TNFRSF10B: variants seen among roughly 807,000 people sequenced by gnomAD.
TNFRSF10B encodes tumor necrosis factor receptor superfamily member 10B.
TNFRSF10B carries 35 observed loss-of-function variants against 41.4 expected under a neutral mutation model. The observed-to-expected ratio is 0.85, with a 90% CI of 0.65 to 1.12. TNFRSF10B has a LOEUF of 1.12. TNFRSF10B is among the 50% of genes most tolerant of loss of function. TNFRSF10B has a pLI of 0.00. For synonymous variants in TNFRSF10B, 230 were observed against 215.5 expected (o/e 1.07, Z -0.59); for missense variants, 584 against 552.7 (o/e 1.06, Z -0.57).
At chr8:23,064,907 G>A (rs1345676871) in intron 1 of TNFRSF10B, among the ~76,000 whole-genome samples, 1 of 152,170 alleles carries the variant, frequency 6.6e-6, no homozygotes, top group Non-Finnish European at 1.5e-5. Flanking sequence ...CCTCAATGTT[G>A]ATTTTAAGCA....
intron 3 of TNFRSF10B, 100 bp downstream of exon 3, chr8:23,030,659 G>C: frequency 1.2e-6 from 1 of 861,954 alleles, no homozygotes; most frequent in Admixed American, 2.0e-5. Flanking sequence ...TGAAGACCAA[G>C]GTGGACCAGA....
chr8:23,058,411 A>G (rs775803560), intron 1 of TNFRSF10B, among the ~76,000 whole-genome samples: 17 of 151,190 alleles, frequency 1.1e-4, no homozygotes, highest in Admixed American at 8.6e-4. Flanking sequence ...TGTCCATTCT[A>G]TTTTTTACCT....
intron 2 of TNFRSF10B, among the ~76,000 whole-genome samples, chr8:23,042,611 G>C (rs184557153): frequency 6.6e-6 from 1 of 152,170 alleles, no homozygotes; most frequent in African/African-American, 2.4e-5. Context: ...ATGTACATCC[G>C]ATGCTGGTGG....
chr8:23,028,480 GA>G lies in TNFRSF10B; in HGVS notation c.598del (p.Ser200ProfsTer17), dbSNP rs757683917. 2.3e-4 allele frequency: 370 copies of G among 1,613,980 alleles called. No homozygotes were observed. Among genetic ancestry groups the G allele is most frequent in the Middle Eastern group, 6.6e-4 (4 of 6,084 alleles). On this transcript the variant is annotated frameshift_variant, in exon 5 of 9. Transcript: ENST00000276431. LOFTEE classifies it high-confidence loss of function. ...EVPAVEETVT[S>X]SPGTPASPCS... ...GGGAGAGGCAGGAGTCCCTGGGCTGGAGGTCACCGTCTCCTCCACAGCTGGG... is the reference window on the plus strand; with the variant it reads ...GGGAGAGGCAGGAGTCCCTGGGCTGGGGTCACCGTCTCCTCCACAGCTGGG...
chr8:23,056,975 G>C (rs1386186801), intron 1 of TNFRSF10B, among the ~76,000 whole-genome samples: 1 of 151,660 alleles, frequency 6.6e-6, no homozygotes, highest in Non-Finnish European at 1.5e-5. Flanking sequence ...TGAGTTTTCA[G>C]TAGATGCATG....
chr8:23,024,118 G>C (rs750410109), intron 8 of TNFRSF10B, 70 bp downstream of exon 8: 88 of 1,589,600 alleles, frequency 5.5e-5, no homozygotes, highest in Non-Finnish European at 7.4e-5. Context: ...TCTGACCTCT[G>C]GGGACAGCAG....
chr8:23,037,672 A>G (rs964147128), intron 2 of TNFRSF10B, among the ~76,000 whole-genome samples: 2 of 152,212 alleles, frequency 1.3e-5, no homozygotes, highest in African/African-American at 4.8e-5. Flanking sequence ...CCACCATCTC[A>G]AAACTGCTGG....
chr8:23,045,427 A>C (rs1295345186), intron 1 of TNFRSF10B, among the ~76,000 whole-genome samples: 1 of 152,210 alleles, frequency 6.6e-6, no homozygotes, highest in African/African-American at 2.4e-5. Context: ...GATTAAGGAT[A>C]TTGAATCAGT....
At chr8:23,064,313 GAATT>G (rs1162503778) in intron 1 of TNFRSF10B, among the ~76,000 whole-genome samples, 2 of 152,332 alleles carry the variant, frequency 1.3e-5, no homozygotes, top group Middle Eastern at 3.4e-3. Context: ...AGGTACTGCT[GAATT>G]AATATTGTAA....
chr8:23,020,853 G>C lies in TNFRSF10B; in HGVS notation c.*1818C>G, dbSNP rs918811032. The C allele has an allele frequency of 8.8e-6, 4 of 454,006 alleles. No homozygotes were observed. Among genetic ancestry groups the C allele is most frequent in the Admixed American group, 2.4e-5 (1 of 42,552 alleles). The allele number at this position is 454,006 out of a possible 1,614,324, so 28.1% of individuals were successfully genotyped here. On this transcript the variant is annotated 3_prime_UTR_variant, in exon 9 of 9. Transcript: ENST00000276431. ...GTCCTGCACAGAAGGCCCAGCAAAG[G>C]CAAAGACCAGGAGGCAGCAGCACCC...
At chr8:23,055,481 T>TTTTTC (rs1394271933) in intron 1 of TNFRSF10B, among the ~76,000 whole-genome samples, 1 of 147,558 alleles carries the variant, frequency 6.8e-6, no homozygotes, top group Non-Finnish European at 1.5e-5. Flanking sequence ...TCACAACTGT[T>TTTTTC]TCAGTACTAA....
At chr8:23,046,167 C>T (rs1395879197) in intron 1 of TNFRSF10B, among the ~76,000 whole-genome samples, 1 of 152,130 alleles carries the variant, frequency 6.6e-6, no homozygotes, top group Non-Finnish European at 1.5e-5. Context: ...TTGCCGATGA[C>T]ATGATCTTCT....
intron 2 of TNFRSF10B, among the ~76,000 whole-genome samples, chr8:23,031,505 C>G (rs966389914): frequency 6.6e-6 from 1 of 151,904 alleles, no homozygotes; most frequent in Admixed American, 6.6e-5. Flanking sequence ...CCTCTCCCCC[C>G]GACCCACAAA....
chr8:23,062,577 A>G lies in TNFRSF10B; in HGVS notation c.144+6174T>C, dbSNP rs139627469. Among the ~76,000 whole-genome samples, 1,084 of 152,274 alleles carry G rather than the reference A, an allele frequency of 7.1e-3. 16 individuals are homozygous for G. The highest frequency in any genetic ancestry group is 0.024 in the African/African-American group (1,000 of 41,548). ...CTCTTCTAATAATTATTTCCTTTAT[A>G]ATGCTAACTCTAGGTTTGGTTCATT... On this transcript the variant is annotated intron_variant, in intron 1 of 8. Transcript: ENST00000276431.
At chr8:23,038,856 C>T (rs1812094708) in intron 2 of TNFRSF10B, among the ~76,000 whole-genome samples, 1 of 152,016 alleles carries the variant, frequency 6.6e-6, no homozygotes, top group Non-Finnish European at 1.5e-5. Context: ...GGACTGGTTT[C>T]CTGAAAGACA....
intron 2 of TNFRSF10B, among the ~76,000 whole-genome samples, chr8:23,037,728 T>G (rs34680437): frequency 6.6e-6 from 1 of 151,972 alleles, no homozygotes; most frequent in South Asian, 2.1e-4. Flanking sequence ...TCATTTACAA[T>G]GTCAGCTGGG....
At chr8:23,066,808 A>G (rs1350640190) in intron 1 of TNFRSF10B, among the ~76,000 whole-genome samples, 1 of 151,768 alleles carries the variant, frequency 6.6e-6, no homozygotes, top group Non-Finnish European at 1.5e-5. Context: ...GAGGCAGGAG[A>G]ATGGCGTGAA....
chr8:23,040,543 A>G (rs1331906852), intron 2 of TNFRSF10B, among the ~76,000 whole-genome samples: 2 of 149,850 alleles, frequency 1.3e-5, no homozygotes, highest in Admixed American at 6.7e-5. Flanking sequence ...TGAAAATGGT[A>G]CATGCCAAGA....
In TNFRSF10B at chr8:23,022,554, C is replaced by T. The variant is rs938979215; in HGVS notation, c.*117G>A. 9.0e-7 allele frequency: 1 copy of T among 1,112,562 alleles called. No individual in the cohort carries two copies. The highest frequency in any genetic ancestry group is 1.3e-6 in the Non-Finnish European group (1 of 749,524). 68.9% of individuals were successfully genotyped at this position (1,112,562 alleles called of 1,614,324 possible). ...TGGGTGATGTTGGATGGGAGAGTTTCTTCCAGTACCGGTCATGTGACAATT... is the reference window on the plus strand; with the variant it reads ...TGGGTGATGTTGGATGGGAGAGTTTTTTCCAGTACCGGTCATGTGACAATT... On this transcript the variant is annotated 3_prime_UTR_variant, in exon 9 of 9. Coordinates refer to ENST00000276431, the MANE Select transcript of TNFRSF10B (RefSeq NM_003842.5).
Sources: allele counts gnomAD v4.1 joint callset (sites outside exome capture counted in the v4.1 genomes callset), GRCh38; gene constraint gnomAD v4.1.1; transcripts MANE v1.5; gene names NCBI Gene and HGNC (gene_info 2026-07-23, HGNC 2026-07-21).